Variants in EGFLAM observed in about 807,000 individuals in gnomAD.
The protein encoded by EGFLAM is pikachurin.
A neutral mutation model predicts 113.1 loss-of-function variants in EGFLAM; 79 were observed. That is an observed-to-expected ratio of 0.70 (90% CI 0.58 to 0.84). The LOEUF is 0.84. EGFLAM is among the 40% of genes least tolerant of loss of function. The pLI is 0.00. For missense variants in EGFLAM, 1,265 were observed against 1,291.6 expected (o/e 0.98, Z 0.32); for synonymous variants, 504 against 487.6 (o/e 1.03, Z -0.44).
At position 38,320,803 on chromosome 5, in the gene EGFLAM, A is replaced by G. The variant is rs141560262; in HGVS notation, c.98-16717A>G. On this transcript the variant is annotated intron_variant, in intron 1 of 21. Coordinates refer to ENST00000322350, the MANE Select transcript of EGFLAM (RefSeq NM_152403.4). ...GGTCACCTTTCCAAACAAGGTGTGG[A>G]GGAACCACCGGGGAAAGGCCAAGGT... Among the ~76,000 whole-genome samples the G allele has an allele frequency of 9.9e-3, 1,507 of 152,166 alleles. 29 individuals are homozygous for G. Among genetic ancestry groups the G allele is most frequent in the African/African-American group, 0.034 (1,410 of 41,498 alleles).
chr5:38,316,266 A>G (rs1464188136), intron 1 of EGFLAM, among the ~76,000 whole-genome samples: 1 of 152,004 alleles, frequency 6.6e-6, no homozygotes, highest in African/African-American at 2.4e-5. Context: ...TTCTGATTGA[A>G]CATTTTACCT....
intron 1 of EGFLAM, among the ~76,000 whole-genome samples, chr5:38,266,390 G>A (rs1261405019): frequency 1.3e-5 from 2 of 152,094 alleles, no homozygotes; most frequent in Non-Finnish European, 2.9e-5. Flanking sequence ...AATGTTCCAG[G>A]GAAGATCCAA....
intron 1 of EGFLAM, among the ~76,000 whole-genome samples, chr5:38,310,217 G>A (rs1381002646): frequency 2.6e-5 from 4 of 152,098 alleles, no homozygotes; most frequent in Non-Finnish European, 5.9e-5. Context: ...TTTATTTATT[G>A]TAAGCCACTG....
Position 38,288,929 on chromosome 5 carries a change from C to T in EGFLAM, c.97+30078C>T, listed in dbSNP as rs143487002. Among the ~76,000 whole-genome samples the T allele has an allele frequency of 8.0e-4, 121 of 152,128 alleles. 1 individual carries two copies. Among genetic ancestry groups the T allele is most frequent in the African/African-American group, 2.7e-3 (111 of 41,492 alleles). ...CAAGCCCCAAGTAGAAGCTACCCCA[C>T]CCTCATGTCCTATAATTGGGTCTGT... On this transcript the variant is annotated intron_variant, in intron 1 of 21. Transcript: ENST00000322350.
chr5:38,408,662 G>A (rs1304492800), intron 9 of EGFLAM, among the ~76,000 whole-genome samples: 1 of 152,192 alleles, frequency 6.6e-6, no homozygotes, highest in East Asian at 1.9e-4. Flanking sequence ...AGAATTGGAT[G>A]TACACCAGCA....
chr5:38,384,962 A>G (rs1740618526), intron 6 of EGFLAM, among the ~76,000 whole-genome samples: 1 of 152,102 alleles, frequency 6.6e-6, no homozygotes, highest in African/African-American at 2.4e-5. Flanking sequence ...AGATGTTGCT[A>G]AATATGAATA....
At chr5:38,456,182 A>G (rs1410058571) in intron 19 of EGFLAM, among the ~76,000 whole-genome samples, 4 of 152,062 alleles carry the variant, frequency 2.6e-5, no homozygotes, top group South Asian at 2.1e-4. Context: ...AGTGCTTCCT[A>G]CATATGTCAT....
chr5:38,391,384 TTGTGTGTG>T (rs758900897), intron 6 of EGFLAM, among the ~76,000 whole-genome samples: 53 of 98,028 alleles, frequency 5.4e-4, no homozygotes, highest in Non-Finnish European at 3.6e-4. Flanking sequence ...TTTCTTTTCT[TTGTGTGTG>T]TGTGTGTGTG....
Position 38,352,288 on chromosome 5 carries a change from G to A in EGFLAM, c.502G>A (p.Glu168Lys), listed in dbSNP as rs1412201177. The change falls in exon 5 of 22, where the codon GAA becomes AAA. Residue 168 changes from glutamate (E) to lysine (K), a missense_variant. Coordinates refer to ENST00000322350, the MANE Select transcript of EGFLAM (RefSeq NM_152403.4). The stretch of plus-strand genomic sequence containing the variant: ...CCTGTCTTGGAAACCTGGAGCGAGT[G>A]AAGGAAGCGCCCCTATTCAGTACTA... ...VALSWKPGAS[E>K]GSAPIQYYSV... 5 of 1,613,970 alleles carry A rather than the reference G, an allele frequency of 3.1e-6. No individual in the cohort carries two copies. The African/African-American group carries it at 5.3e-5, about 17-fold the overall frequency.
chr5:38,458,146 C>A (rs1258697623), intron 19 of EGFLAM, among the ~76,000 whole-genome samples, 165 bp from the exon 20 acceptor site: 2 of 152,168 alleles, frequency 1.3e-5, no homozygotes, highest in Non-Finnish European at 2.9e-5. Flanking sequence ...ATTTCATGAA[C>A]CAGCCTAGAA....
chr5:38,373,067 A>C (rs1006855467), intron 6 of EGFLAM, among the ~76,000 whole-genome samples: 40 of 152,328 alleles, frequency 2.6e-4, no homozygotes, highest in African/African-American at 7.9e-4. Context: ...ATAATACAAA[A>C]TACTTCAAAT....
chr5:38,291,202 T>C (rs1758321450), intron 1 of EGFLAM, among the ~76,000 whole-genome samples: 1 of 152,236 alleles, frequency 6.6e-6, no homozygotes, highest in Non-Finnish European at 1.5e-5. Context: ...TGTAGACTCC[T>C]TGGGGGCATG....
rs374396000 is a variant in EGFLAM at position 38,258,807 on chromosome 5, T to C, written c.53T>C (p.Leu18Pro). ...CGGCTCCTGCTCCTGGCTTCCAGCC[T>C]CGGACCCGGCGCGGTGTCGCTCCGA... ...LLRLLLLASSLGPGAVSLRAA... is the reference protein window; with the variant it reads ...LLRLLLLASSPGPGAVSLRAA... Residue 18 changes from leucine (L) to proline (P), a missense_variant, in exon 1 of 22, where the codon CTC becomes CCC. Leu to Pro is a moderately conservative substitution (Grantham distance 98). Coordinates refer to ENST00000322350, the MANE Select transcript of EGFLAM (RefSeq NM_152403.4). 8 of 1,612,436 alleles carry C rather than the reference T, an allele frequency of 5.0e-6. No homozygotes were observed. The highest frequency in any genetic ancestry group is 6.8e-6 in the Non-Finnish European group (8 of 1,179,646).
intron 1 of EGFLAM, among the ~76,000 whole-genome samples, chr5:38,263,322 C>G (rs1579698709): frequency 6.6e-6 from 1 of 152,056 alleles, no homozygotes; most frequent in Non-Finnish European, 1.5e-5. Flanking sequence ...ATTAGCCGGG[C>G]TTGGTGGCGC....
At chr5:38,457,561 A>G (rs1428757262) in intron 19 of EGFLAM, among the ~76,000 whole-genome samples, 1 of 152,122 alleles carries the variant, frequency 6.6e-6, no homozygotes, top group Non-Finnish European at 1.5e-5. Flanking sequence ...TAAAGATACC[A>G]GTTATATTGG....
intron 12 of EGFLAM, among the ~76,000 whole-genome samples, chr5:38,420,275 C>G (rs553143689): frequency 1.3e-5 from 2 of 152,312 alleles, no homozygotes; most frequent in African/African-American, 4.8e-5. Context: ...GTTTACTTAA[C>G]AAAAATAGTT....
intron 20 of EGFLAM, among the ~76,000 whole-genome samples, chr5:38,458,743 G>A (rs1743172368): frequency 1.3e-5 from 2 of 152,298 alleles, no homozygotes; most frequent in East Asian, 1.9e-4. Flanking sequence ...CACTTGGGGA[G>A]GCCGAGGTGG....
At chr5:38,269,558 C>T (rs796245865) in intron 1 of EGFLAM, among the ~76,000 whole-genome samples, 22 of 150,574 alleles carry the variant, frequency 1.5e-4, no homozygotes, top group Admixed American at 4.0e-4. Context: ...GGCGCAATCT[C>T]GGCTCACTGC....
intron 1 of EGFLAM, among the ~76,000 whole-genome samples, chr5:38,311,966 T>C (rs1240368663): frequency 6.6e-6 from 1 of 152,176 alleles, no homozygotes; most frequent in Non-Finnish European, 1.5e-5. Context: ...TCCAGTGGTT[T>C]GGAAGGGGAG....
Sources: allele counts gnomAD v4.1 joint callset (sites outside exome capture counted in the v4.1 genomes callset), GRCh38; gene constraint gnomAD v4.1.1; transcripts MANE v1.5; gene names NCBI Gene and HGNC (gene_info 2026-07-23, HGNC 2026-07-21).